Variants in GTPBP4 observed in about 807,000 individuals in gnomAD.
GTPBP4 encodes GTP binding protein 4.
In GTPBP4, 15 loss-of-function variants were observed where a neutral mutation model predicts 81.7. That is an observed-to-expected ratio of 0.18 (90% confidence interval 0.12 to 0.28). The LOEUF is 0.28. GTPBP4 is among the 10% of genes least tolerant of loss of function. GTPBP4 has a pLI of 1.00. For synonymous variants in GTPBP4, 272 were observed against 274.6 expected (o/e 0.99, Z 0.09); for missense variants, 847 against 793.8 (o/e 1.07, Z -0.81).
intron 15 of GTPBP4, among the ~76,000 whole-genome samples, chr10:1,014,815 C>G (rs145811943): frequency 6.6e-6 from 1 of 150,694 alleles, no homozygotes; most frequent in Non-Finnish European, 1.5e-5. Flanking sequence ...GACCCTGGGT[C>G]TGGGTTGAAG....
chr10:1,013,746 CAT>C (rs1339489525), intron 14 of GTPBP4, among the ~76,000 whole-genome samples: 1 of 152,214 alleles, frequency 6.6e-6, no homozygotes, highest in African/African-American at 2.4e-5. Context: ...GGGCAGTTAA[CAT>C]GTAACCAGAG....
Position 989,142 on chromosome 10 carries a change from C to T in GTPBP4, c.48+615C>T, listed in dbSNP as rs1211397442. ...TTTTTTTTTTTTTTTTTTTTTGAGACATAGTTTTTCGCTCTTGTTTCCCAG... is the reference window on the plus strand; with the variant it reads ...TTTTTTTTTTTTTTTTTTTTTGAGATATAGTTTTTCGCTCTTGTTTCCCAG... On this transcript the variant is annotated intron_variant, in intron 1 of 16. Transcript: ENST00000360803. Among the ~76,000 whole-genome samples the T allele has an allele frequency of 2.6e-4, 25 of 96,530 alleles. 1 individual carries two copies. In the Admixed American group the frequency reaches 2.9e-3, roughly 11 times the overall value. The allele number at this position is 96,530 out of a possible 152,430, so 63.3% of individuals were successfully genotyped here.
chr10:991,089 G>C (rs7081516), intron 1 of GTPBP4, among the ~76,000 whole-genome samples: 31,225 of 151,382 alleles, frequency 0.21, 3,247 homozygotes, highest in East Asian at 0.3. Flanking sequence ...TTGGCAGACT[G>C]TTGTGACCAC....
At chr10:1,007,874 A>G (rs1242154898) in intron 10 of GTPBP4, 2 of 515,554 alleles carry the variant, frequency 3.9e-6, no homozygotes, top group South Asian at 1.4e-5. Flanking sequence ...TTGTCTGCTT[A>G]TTGGCCTTTT....
At chr10:999,317 C>T (rs1480488549) in intron 6 of GTPBP4, among the ~76,000 whole-genome samples, 2 of 152,082 alleles carry the variant, frequency 1.3e-5, no homozygotes, top group African/African-American at 2.4e-5. Flanking sequence ...GAGGGGGTTT[C>T]ACCATGTTGG....
chr10:1,011,107 C>CACCCTGTATCT, intron 13 of GTPBP4, among the ~76,000 whole-genome samples: 1 of 105,826 alleles, frequency 9.4e-6, no homozygotes, highest in Non-Finnish European at 2.1e-5. Context: ...ACCTCTTCCC[C>CACCCTGTATCT]CCACCCCGAG....
chr10:1,000,489 G>A (rs1197051468), intron 6 of GTPBP4, among the ~76,000 whole-genome samples, 188 bp from the exon 7 acceptor site: 5 of 151,184 alleles, frequency 3.3e-5, no homozygotes, highest in African/African-American at 4.9e-5. Flanking sequence ...CACCCGCCTC[G>A]GCCTCCCAGA....
chr10:1,002,047 C>T (rs1183812394), intron 8 of GTPBP4, among the ~76,000 whole-genome samples: 1 of 152,128 alleles, frequency 6.6e-6, no homozygotes, highest in Non-Finnish European at 1.5e-5. Context: ...CCTCAGCCTC[C>T]TGAGTAGCTG....
chr10:992,427 A>G, intron 1 of GTPBP4, 62 bp from the exon 2 acceptor site: 1 of 1,075,736 alleles, frequency 9.3e-7, no homozygotes, highest in South Asian at 1.4e-5. Flanking sequence ...GGAAGGTTTC[A>G]AATAAATGGC....
At chr10:993,665 G>A (rs1000057898) in intron 2 of GTPBP4, among the ~76,000 whole-genome samples, 1 of 152,250 alleles carries the variant, frequency 6.6e-6, no homozygotes, top group African/African-American at 2.4e-5. Flanking sequence ...TGTGAAGGGC[G>A]TGGGGATCAG....
At chr10:988,752 A>T in intron 1 of GTPBP4, 1 of 549,364 alleles carries the variant, frequency 1.8e-6, no homozygotes. Context: ...TCCACCTAAG[A>T]CCGTGGTCCA....
chr10:1,014,336 G>A lies in GTPBP4; in HGVS notation c.1608+24G>A, dbSNP rs766210039. 8.4e-6 allele frequency: 13 copies of A among 1,547,934 alleles called. No individual in the cohort carries two copies. The Admixed American group carries it at 2.2e-4, about 26-fold the overall frequency. ...ATGTGAGTGTGGGGGCGGTTCATGT[G>A]TTTATGTGGCTGGATACACCTTTTT... On this transcript the variant is annotated intron_variant, in intron 15 of 16. Coordinates refer to ENST00000360803, the MANE Select transcript of GTPBP4 (RefSeq NM_012341.3).
chr10:1,003,340 C>A (rs7917055), intron 8 of GTPBP4, among the ~76,000 whole-genome samples: 28,593 of 152,186 alleles, frequency 0.19, 2,810 homozygotes, highest in East Asian at 0.3. Context: ...TTTTGTTTCT[C>A]ATTGAGTTTC....
chr10:1,010,651 C>A (rs1831836813), intron 13 of GTPBP4, 131 bp downstream of exon 13: 2 of 693,766 alleles, frequency 2.9e-6, no homozygotes, highest in Admixed American at 2.4e-5. Flanking sequence ...CTGACTCTGC[C>A]CCCTGTACCA....
chr10:996,203 A>G lies in GTPBP4; in HGVS notation c.421A>G (p.Ile141Val), dbSNP rs370446156. The G allele has an allele frequency of 2.5e-6, 4 of 1,613,824 alleles. No homozygotes were observed. The highest frequency in any genetic ancestry group is 1.7e-5 in the Admixed American group (1 of 59,964). Residue 141 changes from isoleucine (I) to valine (V), a missense_variant, in exon 4 of 17, where the codon ATC (isoleucine) becomes GTC (valine). By Grantham distance (29) the Ile-to-Val change is conservative (BLOSUM62 3). Around this residue, in one of 3 missense-constraint regions of GTPBP4, gnomAD observed 241 missense variants for 216.3 expected, o/e 1.11. Coordinates refer to ENST00000360803, the MANE Select transcript of GTPBP4 (RefSeq NM_012341.3). The part of the protein sequence containing the change: ...RAALGRMCTV[I>V]KRQKQSLEYL... ...GGCCCTGGGACGGATGTGCACAGTG[A>G]TCAAGAGGCAGAAGCAGAGTTTGGA...
intron 16 of GTPBP4, 115 bp downstream of exon 16, chr10:1,016,011 G>A: frequency 8.6e-6 from 8 of 932,762 alleles, no homozygotes; most frequent in Non-Finnish European, 1.2e-5. Context: ...GGGGTTGTGT[G>A]TACTGCATGC....
chr10:1,004,472 A>G (rs1001223793), intron 8 of GTPBP4, among the ~76,000 whole-genome samples: 4 of 151,906 alleles, frequency 2.6e-5, no homozygotes, highest in African/African-American at 9.7e-5. Flanking sequence ...GCTCCTCCCC[A>G]TGGTATGTGG....
intron 14 of GTPBP4, 43 bp downstream of exon 14, chr10:1,012,705 A>C: frequency 7.1e-7 from 1 of 1,400,826 alleles, no homozygotes; most frequent in Non-Finnish European, 1.0e-6. Context: ...TAGTTTTTGA[A>C]AATTGGATTC....
intron 4 of GTPBP4, 199 bp downstream of exon 4, chr10:996,441 A>G (rs556898903): frequency 7.5e-6 from 3 of 401,862 alleles, no homozygotes; most frequent in Admixed American, 8.2e-5. Flanking sequence ...CACTGATAAG[A>G]AAATTTATAT....
Sources: allele counts gnomAD v4.1 joint callset (sites outside exome capture counted in the v4.1 genomes callset), GRCh38; gene constraint gnomAD v4.1.1; regional missense constraint gnomAD v4.1.1; transcripts MANE v1.5; gene names NCBI Gene and HGNC (gene_info 2026-07-23, HGNC 2026-07-21).